Variants in KALRN observed in about 807,000 individuals in gnomAD.
The protein encoded by KALRN is kalirin.
In KALRN, 70 loss-of-function variants were observed where a neutral mutation model predicts 353.7. That is an observed-to-expected ratio of 0.20 (90% CI 0.16 to 0.24). The LOEUF (loss-of-function observed/expected upper bound fraction) is 0.24. Ranked by LOEUF, KALRN falls within the 10% of genes least tolerant of loss-of-function variation. The pLI, the probability that KALRN is intolerant of heterozygous loss-of-function variation, is 1.00. For synonymous variants in KALRN, 1,391 were observed against 1,434.8 expected (o/e 0.97, Z 0.69); for missense variants, 2,791 against 3,756.7 (o/e 0.74, Z 6.72).
intron 1 of KALRN, among the ~76,000 whole-genome samples, chr3:124,174,643 G>A (rs1019122775): frequency 1.1e-4 from 17 of 152,204 alleles, no homozygotes; most frequent in Non-Finnish European, 4.4e-5. Context: ...CTCCCAGGAG[G>A]AGGGCATAAG....
At chr3:124,355,888 T>C (rs2083348058) in intron 10 of KALRN, among the ~76,000 whole-genome samples, 1 of 152,112 alleles carries the variant, frequency 6.6e-6, no homozygotes, top group East Asian at 1.9e-4. Flanking sequence ...GCTAATTTTA[T>C]ATTTTCAGTA....
chr3:124,134,336 G>A (rs1302970375), intron 1 of KALRN, among the ~76,000 whole-genome samples: 1 of 152,186 alleles, frequency 6.6e-6, no homozygotes. Context: ...ACATGTAGAA[G>A]AATGAAACTG....
intron 1 of KALRN, chr3:124,096,623 G>A (rs1310023124): frequency 6.6e-6 from 1 of 152,084 alleles, no homozygotes; most frequent in Non-Finnish European, 1.5e-5. Flanking sequence ...CACAAACTTA[G>A]GCTCAAGTTC....
intron 1 of KALRN, among the ~76,000 whole-genome samples, chr3:124,227,213 A>G (rs1168593791): frequency 6.6e-6 from 1 of 152,286 alleles, no homozygotes; most frequent in East Asian, 1.9e-4. Context: ...CAGCCCCCTA[A>G]CAGGAACTCA....
chr3:124,715,024 A>G (rs1206747995), intron 58 of KALRN, among the ~76,000 whole-genome samples: 1 of 152,120 alleles, frequency 6.6e-6, no homozygotes, highest in African/African-American at 2.4e-5. Flanking sequence ...TCAAAAAAAA[A>G]AAAAAAAAAT....
At chr3:124,596,370 G>A (rs981719836) in intron 34 of KALRN, among the ~76,000 whole-genome samples, 2 of 152,092 alleles carry the variant, frequency 1.3e-5, no homozygotes, top group African/African-American at 4.8e-5. Flanking sequence ...GGGAGGTTGA[G>A]GCAGGAGAAT....
intron 33 of KALRN, among the ~76,000 whole-genome samples, chr3:124,560,473 G>C (rs62267574): frequency 6.6e-6 from 1 of 152,224 alleles, no homozygotes; most frequent in Non-Finnish European, 1.5e-5. Flanking sequence ...TTAGTGGGAT[G>C]TCAACAGCAA....
intron 23 of KALRN, among the ~76,000 whole-genome samples, chr3:124,457,646 CA>C (rs1380846642): frequency 6.6e-5 from 10 of 152,182 alleles, no homozygotes; most frequent in African/African-American, 2.4e-4. Flanking sequence ...TTCTTTCAGG[CA>C]GCTATGATTA....
At chr3:124,038,495 A>T (rs939832721) in intron 1 of KALRN, among the ~76,000 whole-genome samples, 1 of 152,184 alleles carries the variant, frequency 6.6e-6, no homozygotes, top group African/African-American at 2.4e-5. Flanking sequence ...AGGAGGCTAG[A>T]ACGAGTGTAG....
At chr3:124,702,158 G>A in intron 57 of KALRN, 42 bp downstream of exon 57, 4 of 1,237,380 alleles carry the variant, frequency 3.2e-6, no homozygotes, top group Non-Finnish European at 4.8e-6. Context: ...TGAACACCTA[G>A]CAACATCACA....
At chr3:124,641,050 A>AT (rs956268733) in intron 37 of KALRN, among the ~76,000 whole-genome samples, 9 of 152,104 alleles carry the variant, frequency 5.9e-5, no homozygotes, top group Admixed American at 5.2e-4. Context: ...AGGCCATGAG[A>AT]TCCCCCATGT....
At chr3:124,385,747 G>C (rs2088165749) in intron 11 of KALRN, among the ~76,000 whole-genome samples, 2 of 152,132 alleles carry the variant, frequency 1.3e-5, no homozygotes, top group Non-Finnish European at 1.5e-5. Flanking sequence ...CCCATAGAGA[G>C]GAGGATGGTT....
At chr3:124,200,200 TG>T (rs2075827283) in intron 1 of KALRN, among the ~76,000 whole-genome samples, 1 of 152,156 alleles carries the variant, frequency 6.6e-6, no homozygotes, top group Non-Finnish European at 1.5e-5. Flanking sequence ...TAGTAAGCCG[TG>T]GAATATTTGG....
chr3:124,232,231 A>G (rs3755654), intron 2 of KALRN, among the ~76,000 whole-genome samples: 7,578 of 152,216 alleles, frequency 0.05, 302 homozygotes, highest in East Asian at 0.18. Context: ...CAAAGCTTTC[A>G]ACAGAGCTTT....
chr3:124,249,951 A>C (rs980955433), intron 3 of KALRN, among the ~76,000 whole-genome samples: 2 of 152,088 alleles, frequency 1.3e-5, no homozygotes, highest in African/African-American at 4.8e-5. Context: ...TGCCAGGGCA[A>C]CCCTGGCTGT....
At chr3:124,166,778 C>A (rs1236652101) in intron 1 of KALRN, among the ~76,000 whole-genome samples, 1 of 152,104 alleles carries the variant, frequency 6.6e-6, no homozygotes, top group Non-Finnish European at 1.5e-5. Flanking sequence ...GTGGCTCATA[C>A]CTGTAATCCC....
intron 1 of KALRN, chr3:124,094,805 G>C (rs2061331244): frequency 6.2e-7 from 1 of 1,601,032 alleles, no homozygotes; most frequent in Non-Finnish European, 8.6e-7. Context: ...CTCTGCCGAG[G>C]GGACTGGCTG....
intron 1 of KALRN, among the ~76,000 whole-genome samples, chr3:124,093,483 C>T (rs1266106978): frequency 6.6e-6 from 1 of 152,370 alleles, no homozygotes; most frequent in Admixed American, 6.5e-5. Context: ...ACCTGGGTCA[C>T]AGGCTGGCCC....
chr3:124,638,481 C>A (rs1376328922), intron 37 of KALRN, among the ~76,000 whole-genome samples: 3 of 152,304 alleles, frequency 2.0e-5, no homozygotes, highest in Non-Finnish European at 2.9e-5. Context: ...AGACCCCTCT[C>A]TGACTGCTTC....
Sources: allele counts gnomAD v4.1 joint callset (sites outside exome capture counted in the v4.1 genomes callset), GRCh38; gene constraint gnomAD v4.1.1; transcripts MANE v1.5; gene names NCBI Gene and HGNC (gene_info 2026-07-23, HGNC 2026-07-21).